The following IL2RA variants were observed in gnomAD, a reference collection of about 807,000 sequenced individuals.
IL2RA encodes the protein interleukin 2 receptor subunit alpha.
Under a neutral mutation model 37.8 loss-of-function variants are expected in IL2RA, and 24 were observed. The observed-to-expected ratio is 0.63, with a 90% CI of 0.46 to 0.89. The LOEUF (loss-of-function observed/expected upper bound fraction) is 0.89, where lower values mean the gene tolerates loss of function less well. IL2RA is among the 40% of genes least tolerant of loss of function. The pLI is 0.00. For synonymous variants in IL2RA, 125 were observed against 114.6 expected (o/e 1.09, Z -0.58); for missense variants, 319 against 348.6 (o/e 0.92, Z 0.68).
chr10:6,031,522 G>GTATATA (rs57251959), intron 1 of IL2RA, among the ~76,000 whole-genome samples: 14 of 67,114 alleles, frequency 2.1e-4, no homozygotes, highest in African/African-American at 3.6e-4. Context: ...GTATATATAT[G>GTATATA]TATATATATA....
intron 1 of IL2RA, among the ~76,000 whole-genome samples, chr10:6,043,334 C>T (rs1839801459): frequency 6.6e-6 from 1 of 152,104 alleles, no homozygotes; most frequent in African/African-American, 2.4e-5. Flanking sequence ...TGAGATACAG[C>T]CCAGATTCAA....
intron 1 of IL2RA, among the ~76,000 whole-genome samples, chr10:6,042,285 T>C (rs1839784936): frequency 6.6e-6 from 1 of 151,576 alleles, no homozygotes; most frequent in African/African-American, 2.4e-5. Context: ...ATCATTTTAA[T>C]AGATGAAGAA....
At chr10:6,032,055 A>G (rs1015324256) in intron 1 of IL2RA, among the ~76,000 whole-genome samples, 56 of 152,316 alleles carry the variant, frequency 3.7e-4, no homozygotes, top group African/African-American at 8.7e-4. Context: ...TGTTTGTTCA[A>G]CTGCTTTTTT....
In IL2RA at chr10:6,020,229, T is replaced by C. The variant is rs1371238214; in HGVS notation, c.584-288A>G. Among the ~76,000 whole-genome samples the C allele has an allele frequency of 7.2e-5, 11 of 152,154 alleles. No individual in the cohort carries two copies. The highest frequency in any genetic ancestry group is 5.9e-5 in the Non-Finnish European group (4 of 68,018). On this transcript the variant is annotated intron_variant, in intron 4 of 7. Coordinates refer to ENST00000379959, the MANE Select transcript of IL2RA (RefSeq NM_000417.3). The surrounding 1 kb of genome is among the most constrained non-coding windows in gnomAD (Gnocchi z 5.6). ...CCAGCCTCCCTCCCCAGTCCTGGTT[T>C]CCATCTGTGACTTGGAAACAGGTCA... is the stretch of plus-strand genomic sequence containing the variant.
rs1839868046 is a variant in IL2RA, at chr10:6,046,759, C to T, written c.64+15329G>A. Among the ~76,000 whole-genome samples, 2 of 152,208 alleles carry T rather than the reference C, an allele frequency of 1.3e-5. No homozygotes were observed. The highest frequency in any genetic ancestry group is 2.9e-5 in the Non-Finnish European group (2 of 68,042). On this transcript the variant is annotated intron_variant, in intron 1 of 7. Transcript: ENST00000379959. The surrounding 1 kb of genome is among the most constrained non-coding windows in gnomAD (Gnocchi z 4.8). ...ACACAAATTCTTAGTCAACACACAA[C>T]ATTTGATCTCTGATAGTTTCAGTGG...
intron 1 of IL2RA, among the ~76,000 whole-genome samples, chr10:6,040,926 A>AT (rs1221552479): frequency 1.3e-5 from 2 of 152,182 alleles, no homozygotes; most frequent in African/African-American, 4.8e-5. Flanking sequence ...AAAATTCAAC[A>AT]TTTTTTATAT....
At chr10:6,016,720 C>T (rs921309881) in intron 7 of IL2RA, among the ~76,000 whole-genome samples, 1 of 151,910 alleles carries the variant, frequency 6.6e-6, no homozygotes, top group African/African-American at 2.4e-5. Flanking sequence ...TTACAGGCAC[C>T]CACCACCACG....
At chr10:6,019,372 C>T in intron 6 of IL2RA, 56 bp downstream of exon 6, 1 of 1,327,806 alleles carries the variant, frequency 7.5e-7, no homozygotes, top group Non-Finnish European at 1.1e-6. Context: ...ACCAGTCAAC[C>T]TGTCCATATC....
intron 1 of IL2RA, among the ~76,000 whole-genome samples, chr10:6,041,656 AG>A (rs1254907522): frequency 1.3e-5 from 2 of 152,212 alleles, no homozygotes; most frequent in Non-Finnish European, 2.9e-5. Flanking sequence ...ATTCTGATTG[AG>A]GGGGAAAAAT....
intron 1 of IL2RA, among the ~76,000 whole-genome samples, chr10:6,027,858 A>C (rs1319792995): frequency 6.6e-6 from 1 of 152,216 alleles, no homozygotes. Flanking sequence ...ATGGATCAAC[A>C]CCAACCAATA....
chr10:6,051,430 T>C (rs1381161445), intron 1 of IL2RA, among the ~76,000 whole-genome samples: 1 of 151,910 alleles, frequency 6.6e-6, no homozygotes, highest in Non-Finnish European at 1.5e-5. Context: ...TAAACTGATC[T>C]TTCTCTGAAA....
rs1465375865 is a variant in IL2RA at position 6,028,229 on chromosome 10, C to G, written c.65-2204G>C. On this transcript the variant is annotated intron_variant, in intron 1 of 7. Coordinates refer to ENST00000379959, the MANE Select transcript of IL2RA (RefSeq NM_000417.3). The surrounding 1 kb of genome is among the most constrained non-coding windows in gnomAD (Gnocchi z 4.1). ...GTGGGGTGGGGCTCTGGAGAGGACA[C>G]TGCATGAAGGTCGCCCCAAAATTAT... 6.6e-6 allele frequency among the ~76,000 whole-genome samples: 1 copy of G among 152,078 alleles called. No individual in the cohort carries two copies. The highest frequency in any genetic ancestry group is 6.6e-5 in the Admixed American group (1 of 15,262).
At chr10:6,040,484 G>T (rs572882269) in intron 1 of IL2RA, among the ~76,000 whole-genome samples, 1 of 152,230 alleles carries the variant, frequency 6.6e-6, no homozygotes, top group South Asian at 2.1e-4. Flanking sequence ...TTTGATGGTT[G>T]TTGCCTGCCC....
In IL2RA at chr10:6,026,380, T is replaced by C. The variant is rs12722686; in HGVS notation, c.65-355A>G. Among the ~76,000 whole-genome samples the C allele has an allele frequency of 4.7e-3, 710 of 152,368 alleles. 4 individuals carry two copies. Among genetic ancestry groups the C allele is most frequent in the African/African-American group, 0.016 (673 of 41,588 alleles). On this transcript the variant is annotated intron_variant, in intron 1 of 7. Transcript: ENST00000379959. ...AAGAAGCAAAGTTACGTACATTTAATTGAGGGGCAAAATATGTCTGTGCAA... is the reference window on the plus strand; with the variant it reads ...AAGAAGCAAAGTTACGTACATTTAACTGAGGGGCAAAATATGTCTGTGCAA...
At chr10:6,017,352 G>A (rs1044009231) in intron 7 of IL2RA, among the ~76,000 whole-genome samples, 1 of 152,122 alleles carries the variant, frequency 6.6e-6, no homozygotes, top group African/African-American at 2.4e-5. Flanking sequence ...ATAGGTAGGG[G>A]CTGGGTGGGA....
At chr10:6,039,706 G>C (rs558206514) in intron 1 of IL2RA, 2 of 152,308 alleles carry the variant, frequency 1.3e-5, no homozygotes, top group South Asian at 4.1e-4. Flanking sequence ...TTCACTCACT[G>C]GCTCACTGTG....
chr10:6,019,593 G>A (rs1839346171), intron 5 of IL2RA, 94 bp from the exon 6 acceptor site: 2 of 959,452 alleles, frequency 2.1e-6, no homozygotes, highest in Non-Finnish European at 3.4e-6. Flanking sequence ...TGAATGAGAA[G>A]CTCAGAGGCT....
chr10:6,060,421 T>C (rs756735850), intron 1 of IL2RA, among the ~76,000 whole-genome samples: 1 of 152,064 alleles, frequency 6.6e-6, no homozygotes, highest in African/African-American at 2.4e-5. Context: ...AAAGAACTTA[T>C]TCATGTAACC....
Position 6,015,420 on chromosome 10 carries a change from G to A in IL2RA, c.795-2524C>T, listed in dbSNP as rs183337761. Among the ~76,000 whole-genome samples the A allele has an allele frequency of 3.3e-5, 5 of 152,186 alleles. No homozygotes were observed. Among genetic ancestry groups the A allele is most frequent in the Admixed American group, 1.3e-4 (2 of 15,286 alleles). ...ATTCTTAATGCTGTTAGCCTAGTGC[G>A]GTGATCCTCAGAGTCTGCTCCCTGG... On this transcript the variant is annotated intron_variant, in intron 7 of 7. Coordinates refer to ENST00000379959, the MANE Select transcript of IL2RA (RefSeq NM_000417.3). This position sits in a 1 kb window ranked among gnomAD's most constrained non-coding sequence, Gnocchi z 4.9.
Sources: gnomAD v4.1 joint callset for allele counts (sites outside exome capture counted in the v4.1 genomes callset) on GRCh38, gnomAD v4.1.1 for gene constraint, Gnocchi (gnomAD v3.1) non-coding constraint, MANE v1.5 for transcripts, NCBI Gene and HGNC (gene_info 2026-07-23, HGNC 2026-07-21) for gene names.